Variants in MAF observed in about 807,000 individuals in gnomAD.
The protein encoded by MAF is transcription factor Maf.
A neutral mutation model predicts 22.0 loss-of-function variants in MAF; 10 were observed. The observed-to-expected ratio is 0.45, with a 90% CI of 0.28 to 0.77. The LOEUF is 0.77. MAF is among the 30% of genes least tolerant of loss of function. The pLI is 0.12. For missense variants in MAF, 544 were observed against 548.4 expected (o/e 0.99, Z 0.08); for synonymous variants, 337 against 255.8 (o/e 1.32, Z -3.03).
the MAF span, among the ~76,000 whole-genome samples, chr16:79,368,823 C>T: frequency 2.0e-5 from 3 of 152,316 alleles, no homozygotes; most frequent in South Asian, 4.1e-4. Context: ...GTCAGCTTCC[C>T]ATTCAAACCT....
the MAF span, among the ~76,000 whole-genome samples, chr16:79,380,620 T>A: frequency 2.6e-5 from 4 of 152,228 alleles, no homozygotes; most frequent in Admixed American, 2.6e-4. Flanking sequence ...TCTTTAGTAG[T>A]GTGCCTGGAA....
the MAF span, among the ~76,000 whole-genome samples, chr16:79,578,432 T>C: frequency 6.6e-6 from 1 of 152,202 alleles, no homozygotes; most frequent in Admixed American, 6.5e-5. Flanking sequence ...CAATTTCTTC[T>C]CTACTTTCAC....
the MAF span, among the ~76,000 whole-genome samples, chr16:79,274,447 G>A: frequency 1.3e-5 from 2 of 152,104 alleles, no homozygotes; most frequent in Admixed American, 6.5e-5. Context: ...TCCCCAAGGG[G>A]ACCCCAATGC....
the MAF span, among the ~76,000 whole-genome samples, chr16:79,257,309 G>A: frequency 6.6e-6 from 1 of 152,158 alleles, no homozygotes; most frequent in African/African-American, 2.4e-5. Context: ...TAAATAACGT[G>A]TTATCATTGC....
the MAF span, among the ~76,000 whole-genome samples, chr16:79,278,831 T>A: frequency 6.6e-6 from 1 of 152,174 alleles, no homozygotes; most frequent in African/African-American, 2.4e-5. Context: ...CTGCCCCTTC[T>A]GCTGACACTG....
chr16:79,542,750 A>T, the MAF span, among the ~76,000 whole-genome samples: 2 of 152,186 alleles, frequency 1.3e-5, no homozygotes, highest in African/African-American at 2.4e-5. Flanking sequence ...TTTGGGACTC[A>T]TACCTCAACC....
chr16:79,600,078 CCGCCCTG>C lies in MAF; in HGVS notation c.-183_-177del. On this transcript the variant is annotated 5_prime_UTR_variant, in exon 1 of 2. Transcript: ENST00000326043. ...CGAGCGCGCTCACACACACACCCCC[CCGCCCTG>C]CCCGCGCCCCCCGCGCCCGCCCTCC... 5.5e-6 allele frequency: 4 copies of C among 725,404 alleles called. No homozygotes were observed. Among genetic ancestry groups the C allele is most frequent in the Admixed American group, 7.1e-5 (2 of 28,288 alleles). 44.9% of individuals were successfully genotyped at this position (725,404 alleles called of 1,614,324 possible). A position where few individuals can be genotyped will look rare whatever the true frequency, so the allele number is the denominator to read the frequency against.
At chr16:79,216,069 C>T in the MAF span, among the ~76,000 whole-genome samples, 1 of 152,136 alleles carries the variant, frequency 6.6e-6, no homozygotes, top group Non-Finnish European at 1.5e-5. Context: ...CCTATTATTC[C>T]TATTTTAGCT....
chr16:79,376,574 C>T, the MAF span, among the ~76,000 whole-genome samples: 11 of 152,012 alleles, frequency 7.2e-5, no homozygotes, highest in South Asian at 2.1e-4. Flanking sequence ...ATGTGCACGA[C>T]GTGCAGGTTT....
chr16:79,342,271 A>T, the MAF span, among the ~76,000 whole-genome samples: 3 of 152,056 alleles, frequency 2.0e-5, no homozygotes, highest in Non-Finnish European at 4.4e-5. Flanking sequence ...TCTGCTCTAC[A>T]AGTGCCCCTT....
the MAF span, among the ~76,000 whole-genome samples, chr16:79,519,333 G>A: frequency 6.6e-6 from 1 of 152,298 alleles, no homozygotes; most frequent in South Asian, 2.1e-4. Context: ...AGAAAGGCAT[G>A]CTATGCAATT....
At chr16:79,460,620 G>A in the MAF span, among the ~76,000 whole-genome samples, 1 of 152,044 alleles carries the variant, frequency 6.6e-6, no homozygotes, top group Non-Finnish European at 1.5e-5. Context: ...TGCAATGTTT[G>A]GATTCAACTT....
chr16:79,367,796 G>T, the MAF span, among the ~76,000 whole-genome samples: 1 of 152,180 alleles, frequency 6.6e-6, no homozygotes, highest in Non-Finnish European at 1.5e-5. Context: ...GAACAGCCTA[G>T]TACATTGTAG....
chr16:79,237,013 G>A, the MAF span, among the ~76,000 whole-genome samples: 3 of 151,186 alleles, frequency 2.0e-5, no homozygotes, highest in African/African-American at 7.3e-5. Flanking sequence ...ATCAGGACTC[G>A]CCTTATTAAC....
chr16:79,359,562 C>T, the MAF span, among the ~76,000 whole-genome samples: 1 of 152,126 alleles, frequency 6.6e-6, no homozygotes, highest in Non-Finnish European at 1.5e-5. Flanking sequence ...AAAGCCAGCC[C>T]CAATTGCTGT....
the MAF span, among the ~76,000 whole-genome samples, chr16:79,445,045 T>A: frequency 6.6e-6 from 1 of 152,054 alleles, no homozygotes; most frequent in African/African-American, 2.4e-5. Flanking sequence ...ATTTATTTAT[T>A]TTTTTTGAGA....
chr16:79,478,248 G>C, the MAF span, among the ~76,000 whole-genome samples: 1 of 152,218 alleles, frequency 6.6e-6, no homozygotes, highest in Admixed American at 6.5e-5. Flanking sequence ...GCGAGGCCTT[G>C]TGATTTGCTT....
chr16:79,481,008 T>G, the MAF span, among the ~76,000 whole-genome samples: 2 of 152,310 alleles, frequency 1.3e-5, no homozygotes, highest in East Asian at 3.9e-4. Flanking sequence ...CACTTTACTT[T>G]TCTTCATTAC....
chr16:79,286,627 A>G, the MAF span, among the ~76,000 whole-genome samples: 2 of 152,230 alleles, frequency 1.3e-5, no homozygotes, highest in East Asian at 3.8e-4. Context: ...ATCTATTGAA[A>G]TATCTATCCA....
Sources: gnomAD v4.1 joint callset for allele counts (sites outside exome capture counted in the v4.1 genomes callset) on GRCh38, gnomAD v4.1.1 for gene constraint, MANE v1.5 for transcripts, NCBI Gene and HGNC (gene_info 2026-07-23, HGNC 2026-07-21) for gene names.